SUPT3H: variants seen among roughly 807,000 people sequenced by gnomAD.
SUPT3H encodes the protein transcription initiation protein SPT3 homolog.
SUPT3H carries 44 observed loss-of-function variants against 44.3 expected under a neutral mutation model. That is an observed-to-expected ratio of 0.99 (90% CI 0.78 to 1.28). The LOEUF (loss-of-function observed/expected upper bound fraction) is 1.28, where lower values mean the gene tolerates loss of function less well. Ranked by LOEUF, SUPT3H falls within the 50% of genes most tolerant of loss-of-function variation. The probability of loss-of-function intolerance (pLI) is 0.00; values close to 1 mark genes in which losing one functional copy is unlikely to be tolerated. For missense variants in SUPT3H, 380 were observed against 387.1 expected (o/e 0.98, Z 0.15); for synonymous variants, 124 against 125.6 (o/e 0.99, Z 0.09).
intron 2 of SUPT3H, among the ~76,000 whole-genome samples, chr6:45,277,619 C>A (rs1004465293): frequency 6.6e-6 from 1 of 152,024 alleles, no homozygotes; most frequent in Admixed American, 6.6e-5. Context: ...AAAGCATTAC[C>A]CTATAGGGAC....
chr6:45,290,455 TCAA>T (rs1221685113), intron 2 of SUPT3H, among the ~76,000 whole-genome samples: 5 of 85,966 alleles, frequency 5.8e-5, no homozygotes, highest in African/African-American at 1.5e-4. Context: ...GCATGGATGA[TCAA>T]AAAAAAAAAA....
intron 10 of SUPT3H, among the ~76,000 whole-genome samples, chr6:44,882,221 T>C (rs1561951265): frequency 6.6e-6 from 1 of 152,028 alleles, no homozygotes; most frequent in Non-Finnish European, 1.5e-5. Flanking sequence ...GGATCCCACA[T>C]AAATACAAAC....
chr6:44,900,198 C>A (rs941496073), intron 10 of SUPT3H, among the ~76,000 whole-genome samples: 1 of 152,238 alleles, frequency 6.6e-6, no homozygotes, highest in East Asian at 1.9e-4. Context: ...TGCAGCGCAC[C>A]GAGCGTGAGC....
intron 2 of SUPT3H, among the ~76,000 whole-genome samples, chr6:45,161,172 C>T (rs1808898831): frequency 6.6e-6 from 1 of 152,102 alleles, no homozygotes; most frequent in South Asian, 2.1e-4. Context: ...CCTGTACAGC[C>T]TGTAGAACTG....
At position 45,328,881 on chromosome 6, in the gene SUPT3H, T is replaced by G. The variant is rs12205523; in HGVS notation, c.101+36320A>C. On this transcript the variant is annotated intron_variant, in intron 2 of 10. Coordinates refer to ENST00000371459, the MANE Select transcript of SUPT3H (RefSeq NM_003599.4). Reference sequence around the variant, plus strand: ...ACTGCTAGCTTTTCCAAATAGCATATTAAAGATCCTAATTATGCTATCTTG... The same window carrying G: ...ACTGCTAGCTTTTCCAAATAGCATAGTAAAGATCCTAATTATGCTATCTTG... 4.0e-6 allele frequency: 5 copies of G among 1,238,406 alleles called. No individual in the cohort carries two copies. In the Admixed American group the frequency reaches 8.6e-5, roughly 21 times the overall value. The allele number at this position is 1,238,406 out of a possible 1,614,324, so 76.7% of individuals were successfully genotyped here. A position where few individuals can be genotyped will look rare whatever the true frequency, so the allele number is the denominator to read the frequency against.
In SUPT3H at chr6:44,841,959, C is replaced by T. The variant is rs183207301; in HGVS notation, c.913-12102G>A. Among the ~76,000 whole-genome samples the T allele has an allele frequency of 1.5e-3, 232 of 152,218 alleles. 1 individual carries two copies. The highest frequency in any genetic ancestry group is 2.8e-3 in the Non-Finnish European group (189 of 68,020). ...GTCTCTGTATGTGTGTGTGTATATA[C>T]ACACAATGACAGTGGTAAGTGCTAT... On this transcript the variant is annotated intron_variant, in intron 10 of 10. Coordinates refer to ENST00000371459, the MANE Select transcript of SUPT3H (RefSeq NM_003599.4).
chr6:44,835,956 C>T (rs750821039), intron 10 of SUPT3H, among the ~76,000 whole-genome samples: 3 of 152,096 alleles, frequency 2.0e-5, no homozygotes, highest in Non-Finnish European at 2.9e-5. Flanking sequence ...AGAAGATGAC[C>T]GTGCTCTGAA....
chr6:45,347,096 A>G (rs1791040021), intron 2 of SUPT3H, among the ~76,000 whole-genome samples: 1 of 152,188 alleles, frequency 6.6e-6, no homozygotes, highest in African/African-American at 2.4e-5. Context: ...TACCCCACAA[A>G]TATGTGTGAG....
chr6:45,346,916 G>C (rs972754830), intron 2 of SUPT3H, among the ~76,000 whole-genome samples: 2 of 152,052 alleles, frequency 1.3e-5, no homozygotes, highest in African/African-American at 4.8e-5. Context: ...GAAGTGGATG[G>C]ACAAATAAAC....
chr6:44,976,487 G>C (rs1778360890), intron 6 of SUPT3H, among the ~76,000 whole-genome samples: 1 of 151,742 alleles, frequency 6.6e-6, no homozygotes, highest in Non-Finnish European at 1.5e-5. Flanking sequence ...TCAGCGTCCC[G>C]AATAGCTGGG....
At chr6:45,199,331 A>G (rs1285016) in intron 2 of SUPT3H, among the ~76,000 whole-genome samples, 5,267 of 151,382 alleles carry the variant, frequency 0.035, 124 homozygotes, top group Non-Finnish European at 0.056. Flanking sequence ...TTATATACAA[A>G]TAATGTAACC....
intron 4 of SUPT3H, among the ~76,000 whole-genome samples, chr6:45,015,405 A>G (rs1021116068): frequency 2.8e-4 from 43 of 152,266 alleles, no homozygotes; most frequent in African/African-American, 9.4e-4. Context: ...GAGGGCATAT[A>G]CCATGAATGA....
At chr6:44,900,560 G>A (rs576925321) in intron 10 of SUPT3H, among the ~76,000 whole-genome samples, 6 of 152,322 alleles carry the variant, frequency 3.9e-5, no homozygotes, top group African/African-American at 1.4e-4. Flanking sequence ...ACAACTCAAG[G>A]AGGCCTGCCT....
chr6:45,068,308 T>A (rs1218208650), intron 3 of SUPT3H, among the ~76,000 whole-genome samples: 8 of 111,642 alleles, frequency 7.2e-5, no homozygotes, highest in African/African-American at 2.8e-4. Flanking sequence ...CTCTGGGGAC[T>A]GTGGTGGGGT....
chr6:45,011,341 T>C (rs536929329), intron 5 of SUPT3H, among the ~76,000 whole-genome samples: 1 of 152,228 alleles, frequency 6.6e-6, no homozygotes, highest in Non-Finnish European at 1.5e-5. Flanking sequence ...AGCTACTAAT[T>C]TAACCTTTTG....
chr6:44,879,915 C>T (rs1347634668), intron 10 of SUPT3H, among the ~76,000 whole-genome samples: 2 of 152,136 alleles, frequency 1.3e-5, no homozygotes, highest in African/African-American at 4.8e-5. Context: ...TCAAAAGCCC[C>T]ATCTGAAGGT....
chr6:45,210,161 C>G (rs977647413), intron 2 of SUPT3H, among the ~76,000 whole-genome samples: 1 of 151,954 alleles, frequency 6.6e-6, no homozygotes, highest in African/African-American at 2.4e-5. Flanking sequence ...AATCACTAAG[C>G]CAAAGGGAAA....
intron 2 of SUPT3H, among the ~76,000 whole-genome samples, chr6:45,157,099 T>A: frequency 6.6e-6 from 1 of 152,162 alleles, no homozygotes; most frequent in Non-Finnish European, 1.5e-5. Flanking sequence ...GTTAAAACAC[T>A]GGTGAAATCT....
At chr6:45,272,671 T>A (rs1562840101) in intron 2 of SUPT3H, among the ~76,000 whole-genome samples, 1 of 152,164 alleles carries the variant, frequency 6.6e-6, no homozygotes, top group South Asian at 2.1e-4. Context: ...ATGGAAACTC[T>A]CACAAAATTG....
Sources: gnomAD v4.1 joint callset for allele counts (sites outside exome capture counted in the v4.1 genomes callset) on GRCh38, gnomAD v4.1.1 for gene constraint, MANE v1.5 for transcripts, NCBI Gene and HGNC (gene_info 2026-07-23, HGNC 2026-07-21) for gene names.